Variants in CSMD3 observed in about 807,000 individuals in gnomAD.
CSMD3 encodes CUB and sushi domain-containing protein 3.
In CSMD3, 177 loss-of-function variants were observed where a neutral mutation model predicts 435.2. The ratio of observed to expected loss-of-function variants is 0.41; its 90% CI spans 0.36 to 0.46. The LOEUF (loss-of-function observed/expected upper bound fraction) is 0.46. CSMD3 is among the 20% of genes least tolerant of loss of function. CSMD3 has a pLI of 0.34. For synonymous variants in CSMD3, 1,656 were observed against 1,520.5 expected (o/e 1.09, Z -2.07); for missense variants, 4,265 against 4,504.6 (o/e 0.95, Z 1.52).
intron 47 of CSMD3, among the ~76,000 whole-genome samples, chr8:112,317,058 G>A (rs1780324123): frequency 6.6e-6 from 1 of 151,924 alleles, no homozygotes; most frequent in Non-Finnish European, 1.5e-5. Flanking sequence ...TGGCTTAAAT[G>A]CCTGGTGAAA....
At chr8:113,020,378 T>C (rs1465998255) in intron 5 of CSMD3, among the ~76,000 whole-genome samples, 1 of 152,078 alleles carries the variant, frequency 6.6e-6, no homozygotes, top group Non-Finnish European at 1.5e-5. Flanking sequence ...CAGATATTGG[T>C]CATGATTAAT....
chr8:112,847,153 G>A (rs1373307434), intron 11 of CSMD3, among the ~76,000 whole-genome samples: 5 of 152,104 alleles, frequency 3.3e-5, no homozygotes, highest in Non-Finnish European at 7.4e-5. Flanking sequence ...GTTAGTGCCT[G>A]CTCCATTGTA....
chr8:112,855,424 G>T (rs1186193271), intron 11 of CSMD3, among the ~76,000 whole-genome samples: 1 of 152,104 alleles, frequency 6.6e-6, no homozygotes, highest in Non-Finnish European at 1.5e-5. Context: ...TGGAAAATGT[G>T]CATGATATTT....
At chr8:112,435,955 A>T (rs1431368088) in intron 32 of CSMD3, among the ~76,000 whole-genome samples, 1 of 151,994 alleles carries the variant, frequency 6.6e-6, no homozygotes, top group East Asian at 1.9e-4. Context: ...AATTATATTT[A>T]CACCATTAAA....
intron 32 of CSMD3, among the ~76,000 whole-genome samples, chr8:112,414,079 C>T (rs749231797): frequency 7.2e-5 from 11 of 152,156 alleles, no homozygotes; most frequent in Non-Finnish European, 1.6e-4. Context: ...GACCTCCATC[C>T]TGCTTCTTGT....
intron 53 of CSMD3, among the ~76,000 whole-genome samples, chr8:112,296,351 A>G (rs1415760683): frequency 6.6e-6 from 1 of 152,012 alleles, no homozygotes; most frequent in Non-Finnish European, 1.5e-5. Context: ...GGAGATTGAG[A>G]CCATCCTGGC....
At chr8:112,899,599 TTATATATATATATATA>T (rs71309794) in intron 10 of CSMD3, among the ~76,000 whole-genome samples, 3 of 100,026 alleles carry the variant, frequency 3.0e-5, no homozygotes, top group African/African-American at 7.4e-5. Flanking sequence ...CTTGTCTATT[TTATATATATATATATA>T]TATATATATA....
intron 60 of CSMD3, among the ~76,000 whole-genome samples, chr8:112,264,902 A>G (rs527386117): frequency 6.6e-5 from 10 of 152,242 alleles, no homozygotes; most frequent in South Asian, 2.1e-4. Context: ...TAAAGTAGCA[A>G]ATTTATGGCT....
intron 4 of CSMD3, among the ~76,000 whole-genome samples, chr8:113,130,373 T>C (rs571638632): frequency 6.6e-6 from 1 of 152,122 alleles, no homozygotes; most frequent in African/African-American, 2.4e-5. Context: ...TCCTTGCTGT[T>C]CTCATGACGG....
At chr8:112,510,238 T>C (rs1474091305) in intron 28 of CSMD3, among the ~76,000 whole-genome samples, 1 of 152,210 alleles carries the variant, frequency 6.6e-6, no homozygotes, top group African/African-American at 2.4e-5. Context: ...AGTGAAAACA[T>C]CTAATCGTAC....
chr8:113,057,585 T>A (rs1425053292), intron 5 of CSMD3, among the ~76,000 whole-genome samples: 1 of 152,012 alleles, frequency 6.6e-6, no homozygotes, highest in Non-Finnish European at 1.5e-5. Flanking sequence ...CTCACCATTA[T>A]CCAGAACACA....
At chr8:113,401,561 T>C (rs1399497632) in intron 1 of CSMD3, among the ~76,000 whole-genome samples, 3 of 151,700 alleles carry the variant, frequency 2.0e-5, no homozygotes, top group Non-Finnish European at 4.4e-5. Flanking sequence ...AATGCCAACT[T>C]TTTTATAGTT....
rs371942675 is a variant in CSMD3, at chr8:113,436,660, C to A, written c.178+17G>T. ...CACCTCCATCCAAAGCGGAGGGGAC[C>A]CCCAAAGCAGACCTACCTTTCACAC... On this transcript the variant is annotated intron_variant, in intron 1 of 70. Coordinates refer to ENST00000297405, the MANE Select transcript of CSMD3 (RefSeq NM_198123.2). The A allele has an allele frequency of 1.9e-6, 3 of 1,613,798 alleles. No homozygotes were observed. Among genetic ancestry groups the A allele is most frequent in the East Asian group, 2.2e-5 (1 of 44,870 alleles).
chr8:113,148,516 A>C (rs2091731173), intron 4 of CSMD3, among the ~76,000 whole-genome samples: 1 of 151,738 alleles, frequency 6.6e-6, no homozygotes, highest in African/African-American at 2.4e-5. Flanking sequence ...AAGCTCCATA[A>C]AGGTACAGAA....
intron 6 of CSMD3, among the ~76,000 whole-genome samples, chr8:112,983,887 G>A (rs2085147837): frequency 6.6e-6 from 1 of 152,024 alleles, no homozygotes; most frequent in African/African-American, 2.4e-5. Flanking sequence ...CTGGTGAGAA[G>A]CTGCATAAAT....
chr8:112,709,232 A>C (rs963626898), intron 13 of CSMD3, among the ~76,000 whole-genome samples: 1 of 152,130 alleles, frequency 6.6e-6, no homozygotes. Flanking sequence ...GAAATTTTCT[A>C]TTCCATTACA....
chr8:113,012,288 C>G (rs2086283313), intron 6 of CSMD3, among the ~76,000 whole-genome samples: 1 of 151,486 alleles, frequency 6.6e-6, no homozygotes. Flanking sequence ...TTAAATAAAA[C>G]CTACTATACT....
chr8:112,790,561 G>A (rs999247213), intron 13 of CSMD3, among the ~76,000 whole-genome samples: 1 of 151,976 alleles, frequency 6.6e-6, no homozygotes. Flanking sequence ...ATGGAAAAAT[G>A]AATGCAATTT....
At chr8:112,862,816 C>T (rs1233693770) in intron 10 of CSMD3, among the ~76,000 whole-genome samples, 2 of 151,866 alleles carry the variant, frequency 1.3e-5, no homozygotes, top group Admixed American at 6.6e-5. Context: ...ATAAATATAC[C>T]TAAATTACTC....
Sources: allele counts gnomAD v4.1 joint callset (sites outside exome capture counted in the v4.1 genomes callset), GRCh38; gene constraint gnomAD v4.1.1; transcripts MANE v1.5; gene names NCBI Gene and HGNC (gene_info 2026-07-23, HGNC 2026-07-21).